Variants in ZMYM1 observed in about 807,000 individuals in gnomAD.
The protein encoded by ZMYM1 is zinc finger MYM-type protein 1.
ZMYM1 carries 39 observed loss-of-function variants against 60.0 expected under a neutral mutation model. The ratio of observed to expected loss-of-function variants is 0.65; its 90% CI spans 0.50 to 0.85. ZMYM1 has a LOEUF of 0.85. ZMYM1 is among the 40% of genes least tolerant of loss of function. ZMYM1 has a pLI of 0.00. For missense variants in ZMYM1, 1,171 were observed against 1,309.5 expected, an observed-to-expected ratio of 0.89 and a Z score of 1.63; for synonymous variants, 413 against 454.0, an observed-to-expected ratio of 0.91 and a Z score of 1.15.
rs748334977 is a variant in ZMYM1 at position 35,104,341 on chromosome 1, A to G, written c.466A>G (p.Thr156Ala). ...TGTGATTAGTGTCCAGCTGGAAGAC[A>G]CTACCTCTTGCAAAACTTTTTGCAG... ...KDVISVQLED[T>A]TSCKTFCSLS... The change falls in exon 5 of 10, where the codon ACT becomes GCT. Residue 156 changes from threonine (T) to alanine (A), a missense_variant. Transcript: ENST00000359858. The G allele has an allele frequency of 3.2e-5, 51 of 1,610,176 alleles. No individual in the cohort carries two copies. Among genetic ancestry groups the G allele is most frequent in the Non-Finnish European group, 4.2e-5 (49 of 1,179,034 alleles).
At chr1:35,109,746 CT>C (rs879736798) in intron 6 of ZMYM1, among the ~76,000 whole-genome samples, 268 of 144,428 alleles carry the variant, frequency 1.9e-3, no homozygotes, top group Middle Eastern at 3.6e-3. Context: ...TTCTTCATTG[CT>C]TTTTTTTTTT....
intron 1 of ZMYM1, among the ~76,000 whole-genome samples, chr1:35,067,957 A>T (rs115494077): frequency 0.023 from 3,503 of 152,014 alleles, 163 homozygotes; most frequent in African/African-American, 0.08. Context: ...AAATGAAAAA[A>T]TTTTTTAAAT....
intron 1 of ZMYM1, among the ~76,000 whole-genome samples, chr1:35,068,983 C>T (rs948804404): frequency 5.3e-5 from 8 of 151,856 alleles, no homozygotes; most frequent in African/African-American, 1.5e-4. Flanking sequence ...ACTACAGGTG[C>T]GCCTGGCTAA....
At chr1:35,073,582 A>G (rs1642112332) in intron 1 of ZMYM1, among the ~76,000 whole-genome samples, 1 of 150,980 alleles carries the variant, frequency 6.6e-6, no homozygotes, top group African/African-American at 2.4e-5. Context: ...AAAAAAGAAA[A>G]GAAGAAAAGA....
intron 4 of ZMYM1, among the ~76,000 whole-genome samples, chr1:35,101,765 A>G (rs1270580384): frequency 2.6e-5 from 4 of 151,554 alleles, no homozygotes; most frequent in Admixed American, 6.6e-5. Context: ...TGGCCAGGCT[A>G]GTCTCGAACT....
At chr1:35,065,547 G>C (rs976884695) in intron 1 of ZMYM1, among the ~76,000 whole-genome samples, 2 of 151,660 alleles carry the variant, frequency 1.3e-5, no homozygotes, top group African/African-American at 4.8e-5. Flanking sequence ...GGCTGTGCAG[G>C]GTGGTTGGCC....
rs372937735 is a variant in ZMYM1, at chr1:35,087,392, A to G, written c.-74-6522A>G. ...TCTGGATGATATCCCCTGGAGGTCT[A>G]TATGTGTATCTGGAAATAACTCTTG... On this transcript the variant is annotated intron_variant, in intron 1 of 9. Coordinates refer to ENST00000359858, the MANE Select transcript of ZMYM1 (RefSeq NM_024772.5). 8.7e-4 allele frequency among the ~76,000 whole-genome samples: 131 copies of G among 151,284 alleles called. 2 individuals are homozygous for G. In the South Asian group the frequency reaches 0.021, roughly 25 times the overall value.
chr1:35,107,107 T>C (rs1006426926), intron 6 of ZMYM1, among the ~76,000 whole-genome samples: 4 of 149,110 alleles, frequency 2.7e-5, no homozygotes, highest in African/African-American at 9.8e-5. Flanking sequence ...CGCCTCGGCC[T>C]CCCAAAGTGC....
intron 1 of ZMYM1, among the ~76,000 whole-genome samples, chr1:35,084,560 CCTCCTGGGGCATAGCCATTA>C (rs1402980141): frequency 5.9e-5 from 9 of 152,288 alleles, no homozygotes; most frequent in African/African-American, 1.4e-4. Context: ...GGTCTCTTTT[CCTCCTGGGGCATAGCCATTA>C]CTCCTAGGGC....
intron 2 of ZMYM1, among the ~76,000 whole-genome samples, chr1:35,095,273 G>A (rs1161421915): frequency 1.3e-5 from 2 of 151,740 alleles, no homozygotes; most frequent in African/African-American, 4.8e-5. Context: ...ATTTTGGGAG[G>A]GTGAGACAGG....
At chr1:35,085,637 C>G (rs1642614266) in intron 1 of ZMYM1, among the ~76,000 whole-genome samples, 1 of 152,216 alleles carries the variant, frequency 6.6e-6, no homozygotes, top group Non-Finnish European at 1.5e-5. Context: ...TACATTCCAG[C>G]TTCAGGGACA....
rs1644209749 is a variant in ZMYM1 at position 35,114,694 on chromosome 1, T to C, written c.2864T>C (p.Phe955Ser). The C allele has an allele frequency of 4.4e-6, 7 of 1,584,830 alleles. No homozygotes were observed. Among genetic ancestry groups the C allele is most frequent in the African/African-American group, 1.4e-5 (1 of 73,028 alleles). ...CTTGGCAATTCAGATAATATGTTTT[T>C]TCCTACTTCAACAGAAGAACAATAT... ...VDLGNSDNMF[F>S]PTSTEEQYKI... Residue 955 changes from phenylalanine to serine, a missense_variant, in exon 10 of 10, where the codon TTT becomes TCT. Transcript: ENST00000359858.
At chr1:35,097,665 A>G (rs1302460646) in intron 4 of ZMYM1, 99 bp downstream of exon 4, 1 of 1,421,696 alleles carries the variant, frequency 7.0e-7, no homozygotes, top group Non-Finnish European at 9.7e-7. Flanking sequence ...ATTTTTTGAG[A>G]CTGAGTTTGA....
rs546843728 is a variant in ZMYM1 at position 35,066,208 on chromosome 1, G to A, written c.-301+6283G>A. Among the ~76,000 whole-genome samples, 74 of 152,206 alleles carry A rather than the reference G, an allele frequency of 4.9e-4. 1 individual carries two copies. In the South Asian group the frequency reaches 0.014, roughly 29 times the overall value. On this transcript the variant is annotated intron_variant, in intron 1 of 10. Transcript: ENST00000417119. ...TGAACAATTAGAAAATAATTTTTTG[G>A]TTTTTTGAGACGGAGTCTCTCTCTT...
Position 35,113,436 on chromosome 1 carries a change from G to A in ZMYM1, c.1606G>A (p.Val536Ile). 1 of 1,613,728 alleles carries A rather than the reference G, an allele frequency of 6.2e-7. No homozygotes were observed. Residue 536 changes from valine (V) to isoleucine (I), a missense_variant, in exon 10 of 10, where the codon GTC becomes ATC. Transcript: ENST00000359858. ...WREYQFCDGAVSDDLSIHSKQ... is the reference protein window; with the variant it reads ...WREYQFCDGAISDDLSIHSKQ... ...AGAATACCAATTTTGTGATGGAGCT[G>A]TCAGTGACGATTTATCTATTCATTC... is the stretch of plus-strand genomic sequence containing the variant.
At chr1:35,084,549 T>C (rs1367333727) in intron 1 of ZMYM1, among the ~76,000 whole-genome samples, 1 of 152,352 alleles carries the variant, frequency 6.6e-6, no homozygotes, top group African/African-American at 2.4e-5. Flanking sequence ...TTCTTGGAAG[T>C]GGTCTCTTTT....
chr1:35,065,633 C>T (rs1437745855), intron 1 of ZMYM1, among the ~76,000 whole-genome samples: 2 of 150,296 alleles, frequency 1.3e-5, no homozygotes, highest in East Asian at 3.9e-4. Flanking sequence ...AATAAATAAT[C>T]TAAGCTTCCA....
chr1:35,069,877 G>A (rs534028759), intron 1 of ZMYM1, among the ~76,000 whole-genome samples: 18 of 152,192 alleles, frequency 1.2e-4, no homozygotes, highest in Non-Finnish European at 2.2e-4. Context: ...TGGCACCTTT[G>A]TTGAAAATCA....
At chr1:35,089,728 A>G (rs930477337) in intron 1 of ZMYM1, among the ~76,000 whole-genome samples, 6 of 119,512 alleles carry the variant, frequency 5.0e-5, no homozygotes, top group African/African-American at 1.8e-4. Context: ...CATAATGATT[A>G]GTTGTAAGGC....
Sources: gnomAD v4.1 joint callset for allele counts (sites outside exome capture counted in the v4.1 genomes callset) on GRCh38, gnomAD v4.1.1 for gene constraint, MANE v1.5 for transcripts, NCBI Gene and HGNC (gene_info 2026-07-23, HGNC 2026-07-21) for gene names.